ITGB5: variants seen among roughly 807,000 people sequenced by gnomAD.
ITGB5 encodes integrin subunit beta 5, also known as integrin beta-5.
In ITGB5, 38 loss-of-function variants were observed where a neutral mutation model predicts 84.8. The ratio of observed to expected loss-of-function variants is 0.45; its 90% CI spans 0.35 to 0.59. The LOEUF is 0.59. Ranked by LOEUF, ITGB5 falls within the 20% of genes least tolerant of loss-of-function variation. ITGB5 has a pLI of 0.01. For synonymous variants in ITGB5, 393 were observed against 414.4 expected (o/e 0.95, Z 0.63); for missense variants, 905 against 1,034.5 (o/e 0.87, Z 1.72).
chr3:124,849,050 G>A (rs757127999), intron 3 of ITGB5, among the ~76,000 whole-genome samples: 12 of 152,208 alleles, frequency 7.9e-5, no homozygotes, highest in Non-Finnish European at 1.3e-4. Context: ...AAAGTGCTGG[G>A]ATTACAGGTG....
intron 1 of ITGB5, among the ~76,000 whole-genome samples, chr3:124,879,687 T>C (rs1474756012): frequency 2.0e-5 from 3 of 152,234 alleles, no homozygotes; most frequent in African/African-American, 7.2e-5. Flanking sequence ...AGAATGAGCA[T>C]GCTCTCTGTA....
Position 124,848,332 on chromosome 3 carries a change from C to T in ITGB5, c.588G>A (p.Arg196=), listed in dbSNP as rs761340167. 5.0e-6 allele frequency: 8 copies of T among 1,614,184 alleles called. No homozygotes were observed. The highest frequency in any genetic ancestry group is 6.8e-6 in the Non-Finnish European group (8 of 1,180,034). Residue 196 remains arginine, a synonymous_variant, in exon 4 of 15, where the codon AGG becomes AGA. Transcript: ENST00000296181. The part of the protein sequence containing the change: ...DISPFSYTAP[R]YQTNPCIGYK... ...ACCCAATGCACGGATTGGTCTGGTACCTCGGTGCCGTGTAGGAGAAAGGAG... is the reference window on the plus strand; with the variant it reads ...ACCCAATGCACGGATTGGTCTGGTATCTCGGTGCCGTGTAGGAGAAAGGAG...
chr3:124,852,187 C>G lies in ITGB5; in HGVS notation c.362-3629G>C, dbSNP rs75280234. ...TCGCCTTTAATTTGCCTGTCTTGGT[C>G]TGTGCCCGTCTCTGGTGACACCATC... On this transcript the variant is annotated intron_variant, in intron 3 of 14. Transcript: ENST00000296181. Among the ~76,000 whole-genome samples, 6 of 152,272 alleles carry G rather than the reference C, an allele frequency of 3.9e-5. No individual in the cohort carries two copies. In the East Asian group the frequency reaches 9.7e-4, roughly 25 times the overall value.
chr3:124,794,648 G>C (rs1207031984), intron 10 of ITGB5, among the ~76,000 whole-genome samples: 1 of 152,022 alleles, frequency 6.6e-6, no homozygotes, highest in Non-Finnish European at 1.5e-5. Context: ...CAGGCGTGGT[G>C]GTGGGTGCTT....
At position 124,769,952 on chromosome 3, in the gene ITGB5, A is replaced by C. The variant is rs577382622; in HGVS notation, c.1917-839T>G. On this transcript the variant is annotated intron_variant, in intron 11 of 14. Coordinates refer to ENST00000296181, the MANE Select transcript of ITGB5 (RefSeq NM_002213.5). ...AGGCTAACAGCAGGTGGTGGCTCAG[A>C]TAGTGGGTGAAAATGCTTAACTACA... The C allele has an allele frequency of 2.0e-5, 3 of 152,338 alleles. 1 individual carries two copies. In the South Asian group the frequency reaches 6.2e-4, roughly 32 times the overall value. 9.4% of individuals were successfully genotyped at this position (152,338 alleles called of 1,614,324 possible).
intron 9 of ITGB5, among the ~76,000 whole-genome samples, chr3:124,807,416 C>CAAAT (rs879907993): frequency 4.6e-4 from 70 of 151,290 alleles, no homozygotes; most frequent in Non-Finnish European, 8.3e-4. Flanking sequence ...ACTCTCTCTC[C>CAAAT]AAATAAATAA....
intron 10 of ITGB5, among the ~76,000 whole-genome samples, chr3:124,774,696 G>A (rs1014445946): frequency 2.6e-5 from 4 of 152,180 alleles, no homozygotes; most frequent in Non-Finnish European, 5.9e-5. Flanking sequence ...AGAAAACACG[G>A]TTGTTCTCCC....
At chr3:124,807,798 T>C (rs1209331107) in intron 9 of ITGB5, among the ~76,000 whole-genome samples, 3 of 151,126 alleles carry the variant, frequency 2.0e-5, no homozygotes, top group African/African-American at 7.3e-5. Context: ...ACAAAAAAAT[T>C]AGCCGGGCTG....
chr3:124,799,539 G>A (rs3772834), intron 9 of ITGB5, among the ~76,000 whole-genome samples: 8,707 of 152,144 alleles, frequency 0.057, 605 homozygotes, highest in African/African-American at 0.16. Flanking sequence ...CAGCCTGGAC[G>A]ACAGAGTGAG....
At chr3:124,803,987 T>C (rs1322939374) in intron 9 of ITGB5, among the ~76,000 whole-genome samples, 3 of 152,172 alleles carry the variant, frequency 2.0e-5, no homozygotes, top group African/African-American at 4.8e-5. Flanking sequence ...CACAGACCAC[T>C]CATTGTCTAG....
intron 9 of ITGB5, among the ~76,000 whole-genome samples, chr3:124,797,384 G>A (rs3821539): frequency 0.16 from 24,344 of 151,900 alleles, 2,190 homozygotes; most frequent in Admixed American, 0.25. Flanking sequence ...AGACACCCCC[G>A]AGTCCCCCGT....
intron 5 of ITGB5, among the ~76,000 whole-genome samples, chr3:124,823,732 A>C (rs979387943): frequency 6.6e-6 from 1 of 151,908 alleles, no homozygotes; most frequent in Admixed American, 6.6e-5. Context: ...GCAATGCATT[A>C]TAAGCCATGG....
chr3:124,860,202 TATA>T (rs2065277227), intron 2 of ITGB5, among the ~76,000 whole-genome samples: 2 of 152,188 alleles, frequency 1.3e-5, no homozygotes, highest in Non-Finnish European at 2.9e-5. Flanking sequence ...TTACTTATAA[TATA>T]ATCTTTAAAA....
At chr3:124,833,218 C>T (rs2064883285) in intron 5 of ITGB5, among the ~76,000 whole-genome samples, 1 of 152,168 alleles carries the variant, frequency 6.6e-6, no homozygotes, top group Non-Finnish European at 1.5e-5. Flanking sequence ...CAAATCCCAG[C>T]AATGTGCAGG....
chr3:124,827,339 T>C (rs927983378), intron 5 of ITGB5, among the ~76,000 whole-genome samples: 4 of 152,206 alleles, frequency 2.6e-5, no homozygotes, highest in Admixed American at 2.0e-4. Flanking sequence ...AAAAGTATTA[T>C]AGTTAACACA....
At chr3:124,829,828 C>T (rs2064834613) in intron 5 of ITGB5, among the ~76,000 whole-genome samples, 1 of 152,192 alleles carries the variant, frequency 6.6e-6, no homozygotes, top group South Asian at 2.1e-4. Flanking sequence ...CTTCTCTTCA[C>T]CCTGCGACGC....
At chr3:124,839,479 A>G (rs2064983201) in intron 5 of ITGB5, among the ~76,000 whole-genome samples, 1 of 152,230 alleles carries the variant, frequency 6.6e-6, no homozygotes, top group Non-Finnish European at 1.5e-5. Flanking sequence ...ATCTAATTGA[A>G]TAAAATATAC....
At chr3:124,831,699 G>A (rs17236654) in intron 5 of ITGB5, among the ~76,000 whole-genome samples, 8,592 of 152,170 alleles carry the variant, frequency 0.056, 328 homozygotes, top group African/African-American at 0.099. Flanking sequence ...CTCTGATCCC[G>A]AGGTCAATCT....
At chr3:124,767,223 T>C (rs551782023) in intron 12 of ITGB5, among the ~76,000 whole-genome samples, 9 of 152,186 alleles carry the variant, frequency 5.9e-5, no homozygotes, top group Non-Finnish European at 1.2e-4. Context: ...GGGCGGTAAA[T>C]GCTTTCCAGC....
Sources: gnomAD v4.1 joint callset for allele counts (sites outside exome capture counted in the v4.1 genomes callset) on GRCh38, gnomAD v4.1.1 for gene constraint, MANE v1.5 for transcripts, NCBI Gene and HGNC (gene_info 2026-07-23, HGNC 2026-07-21) for gene names.